POU2F1: variants seen among roughly 807,000 people sequenced by gnomAD.
POU2F1 encodes the protein POU class 2 homeobox 1.
In POU2F1, 16 loss-of-function variants were observed where a neutral mutation model predicts 84.9. That is an observed-to-expected ratio of 0.19 (90% confidence interval 0.13 to 0.29). The LOEUF (loss-of-function observed/expected upper bound fraction) is 0.29, where lower values mean the gene tolerates loss of function less well. POU2F1 is among the 10% of genes least tolerant of loss of function. The probability of loss-of-function intolerance (pLI) is 1.00; values close to 1 mark genes in which losing one functional copy is unlikely to be tolerated. For synonymous variants in POU2F1, 368 were observed against 368.3 expected, an observed-to-expected ratio of 1.00 and a Z score of 0.01; for missense variants, 738 against 942.6, an observed-to-expected ratio of 0.78 and a Z score of 2.84.
chr1:167,233,322 G>T (rs1649207194), intron 1 of POU2F1, among the ~76,000 whole-genome samples: 2 of 148,512 alleles, frequency 1.3e-5, no homozygotes, highest in African/African-American at 2.5e-5. Flanking sequence ...TTTTTTTGTA[G>T]AGACGGGGCT....
At chr1:167,363,589 AAAAT>A (rs1399906154) in intron 2 of POU2F1, among the ~76,000 whole-genome samples, 9 of 152,210 alleles carry the variant, frequency 5.9e-5, no homozygotes, top group Non-Finnish European at 1.2e-4. Context: ...AAAAAAATAA[AAAAT>A]AAAGGAGGTG....
intron 4 of POU2F1, among the ~76,000 whole-genome samples, 170 bp downstream of exon 4, chr1:167,370,384 A>G (rs552809468): frequency 6.6e-6 from 1 of 152,318 alleles, no homozygotes; most frequent in African/African-American, 2.4e-5. Context: ...AATGAAAATC[A>G]GTTTTATATT....
At chr1:167,337,682 C>T (rs1024953742) in intron 2 of POU2F1, among the ~76,000 whole-genome samples, 1 of 150,970 alleles carries the variant, frequency 6.6e-6, no homozygotes, top group African/African-American at 2.4e-5. Context: ...TACCCTCACC[C>T]CACCCCCTGC....
At chr1:167,395,598 C>A (rs957430842) in intron 9 of POU2F1, among the ~76,000 whole-genome samples, 5 of 151,974 alleles carry the variant, frequency 3.3e-5, no homozygotes, top group East Asian at 1.9e-4. Context: ...TTTTATTTTT[C>A]TTTTTTAAAT....
chr1:167,352,249 T>G (rs1658632396), intron 2 of POU2F1, among the ~76,000 whole-genome samples: 1 of 152,252 alleles, frequency 6.6e-6, no homozygotes, highest in Non-Finnish European at 1.5e-5. Context: ...AAAGTTGTCC[T>G]TTATAAAATG....
At chr1:167,271,299 G>A (rs959170696) in intron 1 of POU2F1, among the ~76,000 whole-genome samples, 2 of 152,148 alleles carry the variant, frequency 1.3e-5, no homozygotes, top group African/African-American at 4.8e-5. Context: ...CTTTTCCTGA[G>A]TTTCCTTAGA....
intron 1 of POU2F1, among the ~76,000 whole-genome samples, chr1:167,276,172 C>T (rs1423974273): frequency 6.6e-6 from 1 of 152,168 alleles, no homozygotes; most frequent in Non-Finnish European, 1.5e-5. Context: ...TGAAATCTCA[C>T]GGCATCCCAC....
At chr1:167,398,259 T>C in intron 11 of POU2F1, 126 bp downstream of exon 11, 1 of 1,149,652 alleles carries the variant, frequency 8.7e-7, no homozygotes, top group Non-Finnish European at 1.2e-6. Flanking sequence ...TGATTATAAA[T>C]AGGTGAAGTA....
At chr1:167,395,983 AT>A (rs1648781258) in intron 9 of POU2F1, among the ~76,000 whole-genome samples, 1 of 152,212 alleles carries the variant, frequency 6.6e-6, no homozygotes, top group Non-Finnish European at 1.5e-5. Context: ...TATTAGCACT[AT>A]TTTTGATACC....
chr1:167,260,099 C>T (rs1364753600), intron 1 of POU2F1, among the ~76,000 whole-genome samples: 1 of 152,092 alleles, frequency 6.6e-6, no homozygotes, highest in Non-Finnish European at 1.5e-5. Flanking sequence ...AGGATGGTCT[C>T]GATCTCCTGA....
In POU2F1 at chr1:167,413,178, TG is replaced by T; in HGVS notation, c.1990+65del. ...GTGTGTGTGAGTGTGTGTGTGTGTG[TG>T]TGTGTGTGTGCTTGAGACAGAGATA... On this transcript the variant is annotated intron_variant, in intron 15 of 15. Coordinates refer to ENST00000367866, the MANE Select transcript of POU2F1 (RefSeq NM_002697.4). 4 of 1,352,314 alleles carry T rather than the reference TG, an allele frequency of 3.0e-6. No homozygotes were observed. The African/African-American group carries it at 4.3e-5, about 15-fold the overall frequency. The allele number at this position is 1,352,314 out of a possible 1,614,324, so 83.8% of individuals were successfully genotyped here. A position where few individuals can be genotyped will look rare whatever the true frequency, so the allele number is the denominator to read the frequency against.
chr1:167,315,578 C>G (rs1238591451), intron 1 of POU2F1, among the ~76,000 whole-genome samples: 2 of 152,040 alleles, frequency 1.3e-5, no homozygotes, highest in African/African-American at 4.8e-5. Context: ...GAGTTCAAGA[C>G]CAGCTTGAGC....
Position 167,374,266 on chromosome 1 carries a change from C to T in POU2F1, c.561C>T (p.Ile187=), listed in dbSNP as rs1276253745. The T allele has an allele frequency of 1.9e-6, 3 of 1,612,400 alleles. No individual in the cohort carries two copies. The highest frequency in any genetic ancestry group is 2.5e-6 in the Non-Finnish European group (3 of 1,179,422). ...SASAATPMTQ[I]PLSQPIQIAQ... Reference sequence around the variant, plus strand: ...CTGCTGCCACGCCCATGACGCAGATCCCCCTGTCTCAGCCCATACAGATCG... The same window carrying T: ...CTGCTGCCACGCCCATGACGCAGATTCCCCTGTCTCAGCCCATACAGATCG... Residue 187 remains isoleucine, a synonymous_variant, in exon 6 of 16, where the codon ATC becomes ATT. Coordinates refer to ENST00000367866, the MANE Select transcript of POU2F1 (RefSeq NM_002697.4).
At chr1:167,359,292 C>T (rs925835275) in intron 2 of POU2F1, among the ~76,000 whole-genome samples, 1 of 152,040 alleles carries the variant, frequency 6.6e-6, no homozygotes, top group Non-Finnish European at 1.5e-5. Context: ...TCTAATGATT[C>T]TGTCACCCAA....
chr1:167,293,166 G>A (rs1306766273), intron 1 of POU2F1, among the ~76,000 whole-genome samples: 7 of 152,118 alleles, frequency 4.6e-5, no homozygotes, highest in Non-Finnish European at 8.8e-5. Context: ...GAGCAGTCAC[G>A]CAAGAGAAAA....
At chr1:167,383,204 G>A (rs1172248171) in intron 7 of POU2F1, among the ~76,000 whole-genome samples, 1 of 152,132 alleles carries the variant, frequency 6.6e-6, no homozygotes, top group East Asian at 1.9e-4. Flanking sequence ...CTTAAATACA[G>A]ACATTCTGGG....
At chr1:167,336,894 C>T (rs1480968471) in intron 2 of POU2F1, among the ~76,000 whole-genome samples, 2 of 151,666 alleles carry the variant, frequency 1.3e-5, no homozygotes, top group African/African-American at 4.8e-5. Flanking sequence ...AGCCAGGCGC[C>T]ATGGCTCATG....
intron 1 of POU2F1, among the ~76,000 whole-genome samples, chr1:167,326,062 CTAT>C (rs894471062): frequency 6.6e-6 from 1 of 152,076 alleles, no homozygotes; most frequent in African/African-American, 2.4e-5. Context: ...CTACTATTTC[CTAT>C]TATTACTACC....
intron 1 of POU2F1, among the ~76,000 whole-genome samples, chr1:167,274,555 CT>C (rs1343671444): frequency 6.6e-6 from 1 of 151,798 alleles, no homozygotes; most frequent in Non-Finnish European, 1.5e-5. Flanking sequence ...TTTTATTGTC[CT>C]TGTTTTTAGA....
Sources: allele counts gnomAD v4.1 joint callset (sites outside exome capture counted in the v4.1 genomes callset), GRCh38; gene constraint gnomAD v4.1.1; transcripts MANE v1.5; gene names NCBI Gene and HGNC (gene_info 2026-07-23, HGNC 2026-07-21).